Variants in CHD1L observed in about 807,000 individuals in gnomAD.
CHD1L encodes ATP-dependent chromatin remodeler CHD1L.
A neutral mutation model predicts 115.9 loss-of-function variants in CHD1L; 118 were observed. The observed-to-expected ratio is 1.02, with a 90% CI of 0.88 to 1.19. The LOEUF (loss-of-function observed/expected upper bound fraction) is 1.19. Ranked by LOEUF, CHD1L falls within the 50% of genes most tolerant of loss-of-function variation. The pLI is 0.00. For synonymous variants in CHD1L, 411 were observed against 387.1 expected, an observed-to-expected ratio of 1.06 and a Z score of -0.72; for missense variants, 1,179 against 1,065.3, an observed-to-expected ratio of 1.11 and a Z score of -1.49.
chr1:147,223,460 T>C, the CHD1L span: 1 of 152,246 alleles, frequency 6.6e-6, no homozygotes, highest in East Asian at 1.9e-4. Context: ...TTATGAAATA[T>C]GAAACGTAAA....
At chr1:147,177,095 C>CTGT in the CHD1L span, among the ~76,000 whole-genome samples, 2 of 151,740 alleles carry the variant, frequency 1.3e-5, no homozygotes, top group Non-Finnish European at 2.9e-5. Flanking sequence ...TACTGTTCTC[C>CTGT]AACAAAGGGA....
chr1:147,187,292 G>C, the CHD1L span: 2 of 1,418,176 alleles, frequency 1.4e-6, no homozygotes, highest in South Asian at 2.7e-5. Context: ...AATTCAATCA[G>C]TCAGTCAATC....
the CHD1L span, chr1:147,201,161 C>A: frequency 3.1e-6 from 5 of 1,609,926 alleles, no homozygotes; most frequent in African/African-American, 2.7e-5. Flanking sequence ...CCTTTAAATA[C>A]CTGAGTGGCC....
intron 4 of CHD1L, 86 bp from the exon 5 acceptor site, chr1:147,256,445 G>GT (rs1670171651): frequency 8.3e-7 from 1 of 1,209,644 alleles, no homozygotes; most frequent in African/African-American, 1.5e-5. Context: ...AAATCCTATA[G>GT]TTTAAGAGAG....
chr1:147,254,904 T>A lies in CHD1L; in HGVS notation c.275T>A (p.Leu92Ter), dbSNP rs371676695. The A allele has an allele frequency of 6.8e-6, 11 of 1,608,004 alleles. No individual in the cohort carries two copies. The African/African-American group carries it at 1.3e-4, about 20-fold the overall frequency. ...IALFIYLAGR[L>*]NDEGPFLILC... ...CTCTTCATTTATTTGGCAGGAAGATTAAATGATGAAGGGCCATTTCTGATT... is the reference window on the plus strand; with the variant it reads ...CTCTTCATTTATTTGGCAGGAAGATAAAATGATGAAGGGCCATTTCTGATT... Residue 92 changes from leucine (L) to a stop codon, truncating the protein, a stop_gained, in exon 3 of 23, where the codon TTA becomes TAA. Transcript: ENST00000369258. LOFTEE classifies it high-confidence loss of function.
chr1:147,192,367 C>T, the CHD1L span, among the ~76,000 whole-genome samples: 1 of 151,934 alleles, frequency 6.6e-6, no homozygotes, highest in African/African-American at 2.4e-5. Flanking sequence ...ATTTTGTATC[C>T]TGAGACTTTG....
At chr1:147,178,907 A>G in the CHD1L span, 9 of 1,575,838 alleles carry the variant, frequency 5.7e-6, no homozygotes, top group African/African-American at 5.4e-5. Context: ...ATTGCTTACT[A>G]TGATGTGGAC....
chr1:147,232,752 C>T, the CHD1L span, among the ~76,000 whole-genome samples: 23,215 of 152,108 alleles, frequency 0.15, 2,361 homozygotes, highest in East Asian at 0.42. Context: ...ATGCCAGCCT[C>T]GGCCTCTGGA....
chr1:147,286,602 G>C lies in CHD1L; in HGVS notation c.2221+102G>C, dbSNP rs587710055. ...GGACTGGGGTGGTGGTCCCAGTGTA[G>C]TATTGTACAGTCAAAAAAGTGTGAA... On this transcript the variant is annotated intron_variant, in intron 18 of 22. Transcript: ENST00000369258. The C allele has an allele frequency of 1.5e-5, 14 of 964,056 alleles. No homozygotes were observed. In the East Asian group the frequency reaches 3.4e-4, roughly 23 times the overall value. 59.7% of individuals were successfully genotyped at this position (964,056 alleles called of 1,614,324 possible).
the CHD1L span, among the ~76,000 whole-genome samples, chr1:147,191,920 A>C: frequency 1.3e-5 from 2 of 151,986 alleles, no homozygotes; most frequent in Middle Eastern, 3.2e-3. Flanking sequence ...GTAGCCTTGT[A>C]GTATAGTTTG....
the CHD1L span, among the ~76,000 whole-genome samples, chr1:147,212,217 A>G: frequency 6.6e-5 from 10 of 152,222 alleles, no homozygotes; most frequent in Admixed American, 2.0e-4. Context: ...TAACTCCTCT[A>G]TTAGCACCAA....
chr1:147,272,143 A>C (rs782766295), intron 11 of CHD1L, 28 bp from the exon 12 acceptor site: 54 of 1,579,668 alleles, frequency 3.4e-5, no homozygotes, highest in Middle Eastern at 3.4e-4. Flanking sequence ...AAGGGTTAAG[A>C]TTTCTGTTTT....
At position 147,272,260 on chromosome 1, in the gene CHD1L, T is replaced by C. The variant is rs1553953954; in HGVS notation, c.1249T>C (p.Phe417Leu). The change falls in exon 12 of 23, where the codon TTT becomes CTT. Residue 417 changes from phenylalanine (F) to leucine (L), a missense_variant. Coordinates refer to ENST00000369258, the MANE Select transcript of CHD1L (RefSeq NM_004284.6). ...CTTTGGACAGCAGCCCATTTTCGTT[T>C]TTCTCCTGAGTACTAGGGCAGGTAG... ...KNFGQQPIFV[F>L]LLSTRAGGVG... 6.2e-7 allele frequency: 1 copy of C among 1,613,986 alleles called. No individual in the cohort carries two copies. The highest frequency in any genetic ancestry group is 2.2e-5 in the East Asian group (1 of 44,884).
intron 14 of CHD1L, among the ~76,000 whole-genome samples, chr1:147,277,852 T>C (rs782368409): frequency 3.3e-5 from 5 of 152,146 alleles, no homozygotes; most frequent in Non-Finnish European, 5.9e-5. Flanking sequence ...AAGGCCCGCA[T>C]TCTCTTGTTA....
chr1:147,231,656 T>G, the CHD1L span, among the ~76,000 whole-genome samples: 1 of 152,092 alleles, frequency 6.6e-6, no homozygotes, highest in East Asian at 1.9e-4. Context: ...TCTTTGTAGG[T>G]CTCTAAGGAC....
chr1:147,274,955 C>T (rs1289410869), intron 12 of CHD1L, among the ~76,000 whole-genome samples: 1 of 152,168 alleles, frequency 6.6e-6, no homozygotes, highest in Non-Finnish European at 1.5e-5. Flanking sequence ...CTTGACAGTG[C>T]GCACTGCAGA....
chr1:147,261,928 G>T (rs1672078522), intron 6 of CHD1L, among the ~76,000 whole-genome samples: 1 of 152,150 alleles, frequency 6.6e-6, no homozygotes, highest in Admixed American at 6.5e-5. Context: ...GGGCGCAGTG[G>T]CTCACGCCTG....
the CHD1L span, among the ~76,000 whole-genome samples, chr1:147,206,767 G>C: frequency 3.9e-4 from 59 of 152,178 alleles, no homozygotes; most frequent in African/African-American, 1.1e-3. Flanking sequence ...CTGTTGTGGG[G>C]TGGGAAGAGT....
chr1:147,209,186 A>G, the CHD1L span: 135,427 of 594,956 alleles, frequency 0.23, 17,486 homozygotes, highest in Non-Finnish European at 0.26. Flanking sequence ...TTGGGAGGCC[A>G]AGGCGGGCGG....
Sources: allele counts gnomAD v4.1 joint callset (sites outside exome capture counted in the v4.1 genomes callset), GRCh38; gene constraint gnomAD v4.1.1; transcripts MANE v1.5; gene names NCBI Gene and HGNC (gene_info 2026-07-23, HGNC 2026-07-21).